Variants in CD36 observed in about 807,000 individuals in gnomAD.
CD36 encodes platelet glycoprotein 4.
In CD36, 119 loss-of-function variants were observed where a neutral mutation model predicts 55.2. The ratio of observed to expected loss-of-function variants is 2.15; its 90% CI spans 1.86 to 2.51. The LOEUF (loss-of-function observed/expected upper bound fraction) is 2.51, where lower values mean the gene tolerates loss of function less well. Among genes scored for constraint, CD36 ranks in the 30% most tolerant of loss-of-function variants. CD36 has a pLI of 0.00. For synonymous variants in CD36, 186 were observed against 193.6 expected, an observed-to-expected ratio of 0.96 and a Z score of 0.33; for missense variants, 819 against 555.5, an observed-to-expected ratio of 1.47 and a Z score of -4.77.
At chr7:80,648,269 T>C (rs1795323077) in intron 3 of CD36, among the ~76,000 whole-genome samples, 1 of 152,106 alleles carries the variant, frequency 6.6e-6, no homozygotes, top group Non-Finnish European at 1.5e-5. Context: ...CCAGATCTTA[T>C]GCAGAGAAAG....
intron 3 of CD36, among the ~76,000 whole-genome samples, chr7:80,649,009 A>G (rs961085737): frequency 3.0e-4 from 46 of 152,106 alleles, no homozygotes; most frequent in African/African-American, 1.1e-3. Flanking sequence ...TCAGGCAGAA[A>G]AATACTTAAT....
chr7:80,645,937 T>G (rs1366809023), intron 1 of CD36, among the ~76,000 whole-genome samples, 151 bp from the exon 2 acceptor site: 2 of 152,330 alleles, frequency 1.3e-5, no homozygotes, highest in Non-Finnish European at 2.9e-5. Flanking sequence ...AAACAGTTTT[T>G]AGGACAAGCC....
chr7:80,672,850 C>A lies in CD36; in HGVS notation c.1199+7C>A. 1 of 1,595,328 alleles carries A rather than the reference C, an allele frequency of 6.3e-7. No homozygotes were observed. The highest frequency in any genetic ancestry group is 8.6e-7 in the Non-Finnish European group (1 of 1,164,478). On this transcript the variant is annotated splice_region_variant and intron_variant, in intron 12 of 14. Transcript: ENST00000447544. ...AGCCATCAGAAAAAATTCAGTGAGT[C>A]TCTTGAAAATGGTTATTTTGATATG...
intron 1 of CD36, among the ~76,000 whole-genome samples, chr7:80,611,947 T>C (rs1792897572): frequency 1.3e-5 from 2 of 152,226 alleles, no homozygotes; most frequent in African/African-American, 4.8e-5. Flanking sequence ...CTCATCATGA[T>C]CACAGAATGA....
chr7:80,673,894 GT>G, intron 13 of CD36, 88 bp from the exon 14 acceptor site: 5 of 913,294 alleles, frequency 5.5e-6, no homozygotes, highest in Non-Finnish European at 8.9e-6. Flanking sequence ...ACCAATAGAG[GT>G]GTTAGAAAAA....
chr7:80,676,153 C>T (rs1798156474), intron 14 of CD36: 1 of 152,160 alleles, frequency 6.6e-6, no homozygotes, highest in South Asian at 2.1e-4. Flanking sequence ...CATCATGACC[C>T]TTGGTAATAC....
chr7:80,604,374 TTTTTTTTTTTTTTTTTA>T (rs1792421932), intron 1 of CD36, among the ~76,000 whole-genome samples: 1 of 117,668 alleles, frequency 8.5e-6, no homozygotes, highest in African/African-American at 3.4e-5. Flanking sequence ...TTTTTTTTTT[TTTTTTTTTTTTTTTTTA>T]GCAAAGTATG....
At chr7:80,603,020 T>C (rs988576005) in intron 1 of CD36, among the ~76,000 whole-genome samples, 2 of 152,080 alleles carry the variant, frequency 1.3e-5, no homozygotes, top group Non-Finnish European at 2.9e-5. Flanking sequence ...TACTAATCAT[T>C]AGTGATCATA....
intron 3 of CD36, among the ~76,000 whole-genome samples, chr7:80,655,985 G>A (rs1398273153): frequency 6.6e-6 from 1 of 151,600 alleles, no homozygotes; most frequent in Non-Finnish European, 1.5e-5. Context: ...GGATTTTGAA[G>A]ACACGGTGTC....
intron 1 of CD36, among the ~76,000 whole-genome samples, chr7:80,641,989 C>T (rs987458867): frequency 1.3e-5 from 2 of 151,724 alleles, no homozygotes; most frequent in African/African-American, 4.8e-5. Flanking sequence ...CAAAGATGAC[C>T]CAACGGAATA....
Position 80,664,182 on chromosome 7 carries a change from A to G in CD36, c.610-224A>G, listed in dbSNP as rs541535595. On this transcript the variant is annotated intron_variant, in intron 6 of 14. Transcript: ENST00000447544. ...ATTATGACAGAGTGCTAGAGTTCACATCATGTCAGCTTCTGATATGTATCT... is the reference window on the plus strand; with the variant it reads ...ATTATGACAGAGTGCTAGAGTTCACGTCATGTCAGCTTCTGATATGTATCT... Among the ~76,000 whole-genome samples, 19 of 152,252 alleles carry G rather than the reference A, an allele frequency of 1.2e-4. No homozygotes were observed. The East Asian group carries it at 3.7e-3, about 29-fold the overall frequency.
Position 80,656,700 on chromosome 7 carries a change from GGTGA to G in CD36, c.281+7_281+10del. 2 of 1,612,862 alleles carry G rather than the reference GGTGA, an allele frequency of 1.2e-6. No individual in the cohort carries two copies. Among genetic ancestry groups the G allele is most frequent in the Non-Finnish European group, 1.7e-6 (2 of 1,179,128 alleles). The stretch of plus-strand genomic sequence containing the variant: ...AAGCAAAGAGGTCCTTATACGTACA[GGTGA>G]GTGAGTCCCCACAAATATGAGACAC... On this transcript the variant is annotated splice_donor_variant and splice_donor_region_variant and intron_variant, in intron 4 of 14. Coordinates refer to ENST00000447544, the MANE Select transcript of CD36 (RefSeq NM_001001548.3). LOFTEE classifies it high-confidence loss of function.
intron 8 of CD36, 60 bp downstream of exon 8, chr7:80,666,549 C>A: frequency 2.4e-6 from 3 of 1,234,566 alleles, no homozygotes; most frequent in Non-Finnish European, 3.6e-6. Flanking sequence ...CACAAATCCA[C>A]CGTTGTACTG....
intron 3 of CD36, among the ~76,000 whole-genome samples, chr7:80,649,753 GTT>G (rs1795456976): frequency 6.6e-6 from 1 of 151,984 alleles, no homozygotes; most frequent in South Asian, 2.1e-4. Context: ...CTTTTAGAGA[GTT>G]TTAATGGAGA....
chr7:80,608,101 T>C (rs978509154), intron 1 of CD36, among the ~76,000 whole-genome samples: 2 of 152,222 alleles, frequency 1.3e-5, no homozygotes, highest in African/African-American at 2.4e-5. Flanking sequence ...TACATTTTTA[T>C]GTTCAAAATT....
Position 80,602,711 on chromosome 7 carries a change from C to T in CD36, c.-184+332C>T, listed in dbSNP as rs368312992. On this transcript the variant is annotated intron_variant, in intron 1 of 13. Coordinates refer to the CD36 transcript ENST00000309881. ...CGTGACTTCAAAAAGTGTAATTGTA[C>T]CTGAAACTTCTTTTCCTTCAGATTT... Among the ~76,000 whole-genome samples, 79 of 152,148 alleles carry T rather than the reference C, an allele frequency of 5.2e-4. 3 individuals carry two copies. The South Asian group carries it at 0.015, about 30-fold the overall frequency.
chr7:80,674,779 G>T (rs1798090050), intron 14 of CD36, among the ~76,000 whole-genome samples: 1 of 151,972 alleles, frequency 6.6e-6, no homozygotes, highest in Admixed American at 6.6e-5. Flanking sequence ...CTGTGGGGGA[G>T]AATTTTTTAC....
intron 7 of CD36, among the ~76,000 whole-genome samples, chr7:80,665,423 G>GTCTA (rs1406847042): frequency 1.3e-5 from 2 of 152,186 alleles, no homozygotes; most frequent in East Asian, 1.9e-4. Flanking sequence ...CTCAAACTGA[G>GTCTA]TCTATCTAAT....
chr7:80,649,897 C>G (rs1236837649), intron 3 of CD36, among the ~76,000 whole-genome samples: 2 of 151,612 alleles, frequency 1.3e-5, no homozygotes, highest in African/African-American at 4.8e-5. Context: ...TAATAGGAGG[C>G]CAGAACTCAA....
Sources: allele counts gnomAD v4.1 joint callset (sites outside exome capture counted in the v4.1 genomes callset), GRCh38; gene constraint gnomAD v4.1.1; transcripts MANE v1.5; gene names NCBI Gene and HGNC (gene_info 2026-07-23, HGNC 2026-07-21).